The following CRY1 variants were observed in gnomAD, a reference collection of about 807,000 sequenced individuals.
CRY1 encodes cryptochrome circadian regulator 1, also known as cryptochrome-1.
Under a neutral mutation model 76.0 loss-of-function variants are expected in CRY1, and 45 were observed. The observed-to-expected ratio is 0.59, with a 90% CI of 0.47 to 0.76. The LOEUF (loss-of-function observed/expected upper bound fraction) is 0.76. Among genes scored for constraint, CRY1 ranks in the 30% least tolerant of loss-of-function variants. The pLI is 0.00. For synonymous variants in CRY1, 248 were observed against 244.0 expected (o/e 1.02, Z -0.15); for missense variants, 587 against 716.4 (o/e 0.82, Z 2.06).
chr12:107,001,201 T>C (rs1952305084), intron 5 of CRY1, 79 bp downstream of exon 5: 2 of 1,066,144 alleles, frequency 1.9e-6, no homozygotes, highest in African/African-American at 1.6e-5. Context: ...CTATTTGTTA[T>C]TTTTAAAAGA....
chr12:107,058,785 G>C (rs943004366), intron 1 of CRY1, among the ~76,000 whole-genome samples: 3 of 152,150 alleles, frequency 2.0e-5, no homozygotes, highest in African/African-American at 7.2e-5. Flanking sequence ...AAGTATTGTT[G>C]AATGAATAAA....
intron 1 of CRY1, among the ~76,000 whole-genome samples, chr12:107,076,376 T>G (rs1232408968): frequency 6.6e-6 from 1 of 152,096 alleles, no homozygotes; most frequent in Non-Finnish European, 1.5e-5. Flanking sequence ...TTTGGGAGGC[T>G]GAGGCAGGCA....
At chr12:107,083,698 A>C (rs1168485203) in intron 1 of CRY1, among the ~76,000 whole-genome samples, 6 of 152,330 alleles carry the variant, frequency 3.9e-5, no homozygotes, top group African/African-American at 1.4e-4. Flanking sequence ...TACTCAGAAT[A>C]ATAAGAGCTA....
chr12:106,999,421 G>A, intron 7 of CRY1, 130 bp downstream of exon 7: 2 of 800,574 alleles, frequency 2.5e-6, no homozygotes, highest in South Asian at 4.1e-5. Context: ...CGTATTTGGG[G>A]AATTAAATGT....
At chr12:107,006,628 T>C (rs1177441439) in intron 2 of CRY1, among the ~76,000 whole-genome samples, 2 of 138,118 alleles carry the variant, frequency 1.4e-5, no homozygotes, top group Admixed American at 8.6e-5. Flanking sequence ...CAATAATATG[T>C]ATTAGTAATC....
intron 1 of CRY1, among the ~76,000 whole-genome samples, chr12:107,059,492 A>G (rs1424766612): frequency 6.6e-6 from 1 of 152,014 alleles, no homozygotes; most frequent in Non-Finnish European, 1.5e-5. Flanking sequence ...GCCTCAAGCA[A>G]TCCTCCCACT....
In CRY1 at chr12:107,022,154, A is replaced by C. The variant is rs943479936; in HGVS notation, c.197T>G (p.Leu66Arg). 6.9e-6 allele frequency: 11 copies of C among 1,602,610 alleles called. No individual in the cohort carries two copies. The highest frequency in any genetic ancestry group is 9.4e-6 in the Non-Finnish European group (11 of 1,174,150). ...LQCLEDLDAN[L>R]RKLNSRLFVI... ...AAACAGACGGGAGTTTAATTTTCGT[A>C]GATTGGCATCAAGATCCTCAAGACA... The change falls in exon 2 of 13, where the codon CTA becomes CGA. Residue 66 changes from leucine (L) to arginine (R), a missense_variant. Physicochemically the swap from Leu to Arg is moderately radical, Grantham distance 102. Transcript: ENST00000008527.
chr12:107,080,124 G>A (rs1387302399), intron 1 of CRY1, among the ~76,000 whole-genome samples: 1 of 152,056 alleles, frequency 6.6e-6, no homozygotes, highest in Non-Finnish European at 1.5e-5. Context: ...ATTACCTGTT[G>A]ACTATCATGC....
intron 1 of CRY1, among the ~76,000 whole-genome samples, chr12:107,032,870 ACAG>A (rs1952694444): frequency 6.6e-6 from 1 of 152,222 alleles, no homozygotes; most frequent in South Asian, 2.1e-4. Flanking sequence ...ATTAAGAAAA[ACAG>A]CAGAATAAAT....
chr12:107,084,986 A>C (rs903838914), intron 1 of CRY1, among the ~76,000 whole-genome samples: 12 of 151,204 alleles, frequency 7.9e-5, no homozygotes, highest in African/African-American at 1.7e-4. Flanking sequence ...AAAAAAAAAA[A>C]CCCATCAAAA....
chr12:107,000,184 G>A, intron 5 of CRY1, 102 bp from the exon 6 acceptor site: 5 of 1,186,006 alleles, frequency 4.2e-6, no homozygotes, highest in South Asian at 1.9e-5. Flanking sequence ...TAGTTCTTGG[G>A]GAATAAAATC....
At position 106,992,883 on chromosome 12, in the gene CRY1, G is replaced by C; in HGVS notation, c.1665C>G (p.Ser555Arg). 1 of 1,613,974 alleles carries C rather than the reference G, an allele frequency of 6.2e-7. No homozygotes were observed. The highest frequency in any genetic ancestry group is 8.5e-7 in the Non-Finnish European group (1 of 1,179,932). The change falls in exon 12 of 13, where the codon AGC (serine) becomes AGG (arginine). Residue 555 changes from serine to arginine, a missense_variant. Ser to Arg is a moderately radical substitution (Grantham distance 110). Coordinates refer to ENST00000008527, the MANE Select transcript of CRY1 (RefSeq NM_004075.5). ...CACCACTGAGACCAGTGCCCATGGAGCTTCTTCCTGCACATTTAAAAAATG... is the reference window on the plus strand; with the variant it reads ...CACCACTGAGACCAGTGCCCATGGACCTTCTTCCTGCACATTTAAAAAATG... Reference protein sequence around the residue: ...QQTHLLKQGRSSMGTGLSGGK... With the variant: ...QQTHLLKQGRRSMGTGLSGGK...
At chr12:107,015,521 T>G (rs772010014) in intron 2 of CRY1, among the ~76,000 whole-genome samples, 4 of 152,140 alleles carry the variant, frequency 2.6e-5, no homozygotes, top group Non-Finnish European at 4.4e-5. Flanking sequence ...TTTTTAAAAA[T>G]TTTTGTAGAG....
intron 1 of CRY1, among the ~76,000 whole-genome samples, chr12:107,058,900 A>C (rs1392058727): frequency 2.6e-5 from 4 of 152,228 alleles, no homozygotes; most frequent in African/African-American, 4.8e-5. Flanking sequence ...TATACAAAAA[A>C]GCTAAAAGGA....
Position 106,997,978 on chromosome 12 carries a change from A to C in CRY1, c.1226T>G (p.Phe409Cys). 10 of 1,614,124 alleles carry C rather than the reference A, an allele frequency of 6.2e-6. No homozygotes were observed. Among genetic ancestry groups the C allele is most frequent in the Non-Finnish European group, 8.5e-6 (10 of 1,179,988 alleles). The change falls in exon 8 of 13, where the codon TTT (phenylalanine) becomes TGT (cysteine). Residue 409 changes from phenylalanine (F) to cysteine (C), a missense_variant. Phe to Cys is a radical substitution (Grantham distance 205). Coordinates refer to ENST00000008527, the MANE Select transcript of CRY1 (RefSeq NM_004075.5). ...ACCAACAGGGCAATAGCAGTGAAAA[A>C]ACTGTTGAAAAAAGGAACTACAAGA... ...WLSCSSFFQQ[F>C]FHCYCPVGFG...
chr12:107,066,278 T>G (rs2136888100), intron 1 of CRY1, among the ~76,000 whole-genome samples: 1 of 152,318 alleles, frequency 6.6e-6, no homozygotes, highest in African/African-American at 2.4e-5. Context: ...TACATTTTAC[T>G]TCCTTGTTAT....
At chr12:107,080,564 T>C (rs1306153420) in intron 1 of CRY1, among the ~76,000 whole-genome samples, 3 of 151,554 alleles carry the variant, frequency 2.0e-5, no homozygotes, top group Admixed American at 6.6e-5. Context: ...AGAACACTAA[T>C]AGCGCTGGCA....
intron 1 of CRY1, among the ~76,000 whole-genome samples, chr12:107,087,560 CT>C (rs1953418075): frequency 1.3e-5 from 2 of 152,132 alleles, no homozygotes; most frequent in Admixed American, 6.5e-5. Flanking sequence ...CAATTTGTCC[CT>C]TTTAAAATGA....
At chr12:107,010,752 A>T (rs1231147065) in intron 2 of CRY1, among the ~76,000 whole-genome samples, 3 of 151,968 alleles carry the variant, frequency 2.0e-5, no homozygotes, top group Non-Finnish European at 4.4e-5. Flanking sequence ...CTTTTATCAG[A>T]GATCTCTGAT....
Sources: allele counts gnomAD v4.1 joint callset (sites outside exome capture counted in the v4.1 genomes callset), GRCh38; gene constraint gnomAD v4.1.1; transcripts MANE v1.5; gene names NCBI Gene and HGNC (gene_info 2026-07-23, HGNC 2026-07-21).